Variants in TMEM108 observed in about 807,000 individuals in gnomAD.
TMEM108 encodes the protein transmembrane protein 108.
A neutral mutation model predicts 35.1 loss-of-function variants in TMEM108; 12 were observed. That is an observed-to-expected ratio of 0.34 (90% CI 0.22 to 0.55). TMEM108 has a LOEUF of 0.55. TMEM108 is among the 20% of genes least tolerant of loss of function. TMEM108 has a pLI of 0.89. For missense variants in TMEM108, 680 were observed against 753.3 expected (o/e 0.90, Z 1.14); for synonymous variants, 287 against 308.6 (o/e 0.93, Z 0.73).
intron 3 of TMEM108, among the ~76,000 whole-genome samples, chr3:133,280,531 A>G (rs1946898417): frequency 6.6e-6 from 1 of 152,232 alleles, no homozygotes; most frequent in Non-Finnish European, 1.5e-5. Flanking sequence ...TAGATAATGT[A>G]CAGAACTAAG....
chr3:133,349,676 G>GA (rs1322928672), intron 3 of TMEM108, among the ~76,000 whole-genome samples: 1 of 151,580 alleles, frequency 6.6e-6, no homozygotes, highest in African/African-American at 2.4e-5. Context: ...ACAGATACAT[G>GA]AAAAAATGCT....
chr3:133,131,669 A>G (rs1944492415), intron 2 of TMEM108, among the ~76,000 whole-genome samples: 1 of 151,728 alleles, frequency 6.6e-6, no homozygotes, highest in Non-Finnish European at 1.5e-5. Flanking sequence ...AATTCGACCA[A>G]TTAATAACCC....
At chr3:133,303,298 A>T (rs1947257107) in intron 3 of TMEM108, 2 of 152,192 alleles carry the variant, frequency 1.3e-5, no homozygotes, top group South Asian at 4.1e-4. Flanking sequence ...CAATCATGTC[A>T]GTCAGGATCC....
At chr3:133,182,107 GC>G (rs1945354643) in intron 2 of TMEM108, among the ~76,000 whole-genome samples, 1 of 152,112 alleles carries the variant, frequency 6.6e-6, no homozygotes, top group South Asian at 2.1e-4. Context: ...CCACCAAGCT[GC>G]CATTTATCTG....
intron 4 of TMEM108, among the ~76,000 whole-genome samples, chr3:133,384,952 G>A (rs1444606265): frequency 1.3e-5 from 2 of 152,326 alleles, no homozygotes; most frequent in South Asian, 2.1e-4. Flanking sequence ...CTCTCTCTCT[G>A]ACACTAGACA....
intron 2 of TMEM108, among the ~76,000 whole-genome samples, chr3:133,109,113 C>T (rs974167956): frequency 1.3e-5 from 2 of 151,898 alleles, no homozygotes; most frequent in African/African-American, 4.8e-5. Context: ...TAGAATGATA[C>T]GGTGGAAAGA....
At chr3:133,257,604 T>C (rs1470902071) in intron 3 of TMEM108, among the ~76,000 whole-genome samples, 1 of 152,222 alleles carries the variant, frequency 6.6e-6, no homozygotes, top group Non-Finnish European at 1.5e-5. Context: ...CAGTGGTATT[T>C]GAAAGCTTAA....
At chr3:133,166,814 G>A (rs1022322020) in intron 2 of TMEM108, among the ~76,000 whole-genome samples, 1 of 152,158 alleles carries the variant, frequency 6.6e-6, no homozygotes, top group African/African-American at 2.4e-5. Context: ...AGTGTGGAAG[G>A]GCACCTGAGT....
Position 133,396,115 on chromosome 3 carries a change from T to A in TMEM108, c.*129T>A. 1.6e-6 allele frequency: 1 copy of A among 614,056 alleles called. No individual in the cohort carries two copies. 38.0% of individuals were successfully genotyped at this position (614,056 alleles called of 1,614,324 possible). Reference sequence around the variant, plus strand: ...GAGAAACATTTTCAGCTTTTTTTCCTATGAATTGTCAACATCTTTTTTACA... The same window carrying A: ...GAGAAACATTTTCAGCTTTTTTTCCAATGAATTGTCAACATCTTTTTTACA... On this transcript the variant is annotated 3_prime_UTR_variant, in exon 6 of 6. Transcript: ENST00000321871.
intron 2 of TMEM108, among the ~76,000 whole-genome samples, chr3:133,141,150 G>T (rs1251212584): frequency 6.6e-6 from 1 of 152,176 alleles, no homozygotes; most frequent in Non-Finnish European, 1.5e-5. Context: ...AGGCCAAATA[G>T]TCTCATTTCT....
intron 2 of TMEM108, among the ~76,000 whole-genome samples, chr3:133,165,546 G>T (rs543374489): frequency 2.0e-5 from 3 of 152,276 alleles, no homozygotes; most frequent in Admixed American, 2.0e-4. Flanking sequence ...TTTGGAAAAA[G>T]AAGTATTTGC....
intron 3 of TMEM108, among the ~76,000 whole-genome samples, chr3:133,305,938 G>A (rs2107707101): frequency 6.6e-6 from 1 of 152,014 alleles, no homozygotes; most frequent in Middle Eastern, 3.4e-3. Flanking sequence ...GGGTGTAAGA[G>A]CCCAATTTTT....
At chr3:133,392,756 A>C (rs79349923) in intron 5 of TMEM108, among the ~76,000 whole-genome samples, 4,758 of 152,106 alleles carry the variant, frequency 0.031, 99 homozygotes, top group Non-Finnish European at 0.048. Context: ...AGAAAATTTC[A>C]TTGGTTCTCC....
intron 3 of TMEM108, among the ~76,000 whole-genome samples, chr3:133,321,375 T>C (rs2071265790): frequency 2.0e-5 from 3 of 152,026 alleles, no homozygotes; most frequent in Admixed American, 2.0e-4. Flanking sequence ...GATTCTTATA[T>C]CAGACAAAAC....
chr3:133,287,664 A>G (rs1021812443), intron 3 of TMEM108, among the ~76,000 whole-genome samples: 2 of 152,354 alleles, frequency 1.3e-5, no homozygotes, highest in Non-Finnish European at 2.9e-5. Flanking sequence ...AACATCTTCT[A>G]AGATATACTT....
chr3:133,374,049 T>G (rs1387996774), intron 3 of TMEM108, among the ~76,000 whole-genome samples: 1 of 152,164 alleles, frequency 6.6e-6, no homozygotes, highest in Non-Finnish European at 1.5e-5. Context: ...GTGGCCACCT[T>G]GAGGGAACTG....
At chr3:133,141,896 C>T (rs1343046581) in intron 2 of TMEM108, among the ~76,000 whole-genome samples, 1 of 152,178 alleles carries the variant, frequency 6.6e-6, no homozygotes, top group Non-Finnish European at 1.5e-5. Flanking sequence ...ATCTCATTTT[C>T]CCACTGTCCT....
intron 3 of TMEM108, among the ~76,000 whole-genome samples, chr3:133,339,970 A>ATAGCT (rs2071612919): frequency 6.6e-6 from 1 of 151,868 alleles, no homozygotes. Flanking sequence ...AAGAAAATTT[A>ATAGCT]TAGCTATAAG....
Position 133,387,834 on chromosome 3 carries a change from C to T in TMEM108, c.1451-2346C>T, listed in dbSNP as rs981576694. On this transcript the variant is annotated intron_variant, in intron 4 of 5. Transcript: ENST00000321871. Reference sequence around the variant, plus strand: ...GTCACCTAGATTCTAATTCTAAATTCGATGTCCCTTTTGCCCTATTGACTA... The same window carrying T: ...GTCACCTAGATTCTAATTCTAAATTTGATGTCCCTTTTGCCCTATTGACTA... The T allele has an allele frequency of 1.1e-5, 11 of 985,154 alleles. No individual in the cohort carries two copies. The African/African-American group carries it at 1.4e-4, about 13-fold the overall frequency. 61.0% of individuals were successfully genotyped at this position (985,154 alleles called of 1,614,324 possible).
Sources: gnomAD v4.1 joint callset for allele counts (sites outside exome capture counted in the v4.1 genomes callset) on GRCh38, gnomAD v4.1.1 for gene constraint, MANE v1.5 for transcripts, NCBI Gene and HGNC (gene_info 2026-07-23, HGNC 2026-07-21) for gene names.